Variants in PEAK1 observed in about 807,000 individuals in gnomAD.
The protein encoded by PEAK1 is pseudopodium enriched atypical kinase 1.
Under a neutral mutation model 124.7 loss-of-function variants are expected in PEAK1, and 54 were observed. That is an observed-to-expected ratio of 0.43 (90% CI 0.35 to 0.54). The LOEUF (loss-of-function observed/expected upper bound fraction) is 0.54. Among genes scored for constraint, PEAK1 ranks in the 20% least tolerant of loss-of-function variants. PEAK1 has a pLI of 0.01. For missense variants in PEAK1, 2,046 were observed against 2,134.5 expected, an observed-to-expected ratio of 0.96 and a Z score of 0.82; for synonymous variants, 719 against 760.0, an observed-to-expected ratio of 0.95 and a Z score of 0.89.
rs2051153905 is a variant in PEAK1 at position 77,114,260 on chromosome 15, T to C, written c.5137A>G (p.Arg1713Gly). Residue 1713 changes from arginine to glycine, a missense_variant, in exon 10 of 10, where the codon AGG becomes GGG. Arg to Gly is a moderately radical substitution (Grantham distance 125, BLOSUM62 -2). Transcript: ENST00000682557. ...MIKFAEKSLD[R>G]EGGISLEDWL... ...TCCTCAAGGCTGATTCCACCTTCCCTGTCCAGGGACTTCTCAGCAAACTTG... is the reference window on the plus strand; with the variant it reads ...TCCTCAAGGCTGATTCCACCTTCCCCGTCCAGGGACTTCTCAGCAAACTTG... The C allele has an allele frequency of 2.5e-6, 4 of 1,614,138 alleles. No homozygotes were observed. The highest frequency in any genetic ancestry group is 1.1e-5 in the South Asian group (1 of 91,092).
At chr15:77,192,976 G>C (rs889892551) in intron 6 of PEAK1, among the ~76,000 whole-genome samples, 4 of 152,140 alleles carry the variant, frequency 2.6e-5, no homozygotes, top group African/African-American at 9.7e-5. Flanking sequence ...TATACGCACA[G>C]ACACACAGAC....
At chr15:77,346,388 G>A (rs981096467) in intron 2 of PEAK1, 1 of 984,542 alleles carries the variant, frequency 1.0e-6, no homozygotes, top group South Asian at 4.7e-5. Flanking sequence ...ACAGAAAAAT[G>A]TTTATGAGAA....
At chr15:77,365,967 TTAAA>T (rs1240605104) in intron 1 of PEAK1, among the ~76,000 whole-genome samples, 2 of 151,938 alleles carry the variant, frequency 1.3e-5, no homozygotes, top group East Asian at 3.9e-4. Flanking sequence ...AATAAGTAAA[TTAAA>T]TAAAACCAAT....
intron 2 of PEAK1, among the ~76,000 whole-genome samples, chr15:77,324,298 G>A (rs1001636440): frequency 2.0e-5 from 3 of 152,116 alleles, no homozygotes; most frequent in South Asian, 2.1e-4. Flanking sequence ...GGCCCACATG[G>A]TGAAACCCCC....
At chr15:77,302,521 T>C (rs1253115825) in intron 2 of PEAK1, among the ~76,000 whole-genome samples, 4 of 152,172 alleles carry the variant, frequency 2.6e-5, no homozygotes, top group Non-Finnish European at 4.4e-5. Flanking sequence ...ATTTCAACAT[T>C]ATTAATCCAT....
chr15:77,347,273 C>T (rs2066925909), intron 2 of PEAK1: 1 of 984,484 alleles, frequency 1.0e-6, no homozygotes, highest in East Asian at 1.1e-4. Context: ...GACCCACGAA[C>T]TATTCATGGA....
At chr15:77,417,770 T>G in intron 1 of PEAK1, 1 of 985,396 alleles carries the variant, frequency 1.0e-6, no homozygotes, top group Non-Finnish European at 1.2e-6. Flanking sequence ...AAGCAAATGC[T>G]AATCTCATGA....
In PEAK1 at chr15:77,179,494, C is replaced by T. The variant is rs749268448; in HGVS notation, c.2433G>A (p.Lys811=). 6.2e-6 allele frequency: 10 copies of T among 1,613,874 alleles called. No homozygotes were observed. The highest frequency in any genetic ancestry group is 8.5e-6 in the Non-Finnish European group (10 of 1,180,010). ...PDADVAKSTP[K]STPVRPKSLF... is the part of the protein sequence containing the mutation. ...GAGATTTGGGCCGGACTGGCGTACT[C>T]TTAGGTGTGCTCTTAGCAACATCAG... Residue 811 remains lysine, a synonymous_variant, in exon 7 of 10, where the codon AAG becomes AAA. Coordinates refer to ENST00000682557, the MANE Select transcript of PEAK1 (RefSeq NM_001385026.1).
At chr15:77,393,416 G>A (rs375521332) in intron 1 of PEAK1, among the ~76,000 whole-genome samples, 8 of 152,156 alleles carry the variant, frequency 5.3e-5, no homozygotes, top group African/African-American at 1.7e-4. Flanking sequence ...GAGTAAAGAG[G>A]ACTTTGTCTT....
chr15:77,135,293 T>C (rs2053220434), intron 8 of PEAK1, among the ~76,000 whole-genome samples: 1 of 152,200 alleles, frequency 6.6e-6, no homozygotes, highest in Non-Finnish European at 1.5e-5. Context: ...GTTTGTTTTG[T>C]TAAAATCACG....
rs534332533 is a variant in PEAK1 at position 77,166,832 on chromosome 15, T to C, written c.3138-8136A>G. ...AGTAACTTATCCAAGATGACACTAA[T>C]GTGACAAAAGCAGGATTCAAACCCA... On this transcript the variant is annotated intron_variant, in intron 7 of 9. Coordinates refer to ENST00000682557, the MANE Select transcript of PEAK1 (RefSeq NM_001385026.1). 3.4e-4 allele frequency among the ~76,000 whole-genome samples: 52 copies of C among 151,794 alleles called. 1 individual carries two copies. The highest frequency in any genetic ancestry group is 1.1e-3 in the African/African-American group (44 of 41,372).
chr15:77,164,270 T>C (rs2055910068), intron 7 of PEAK1, among the ~76,000 whole-genome samples: 1 of 152,248 alleles, frequency 6.6e-6, no homozygotes, highest in African/African-American at 2.4e-5. Context: ...TTCTGTAGTC[T>C]TTAACTGAAA....
rs114223099 is a variant in PEAK1, at chr15:77,341,646, C to T, written c.-603+23517G>A. Among the ~76,000 whole-genome samples, 961 of 152,276 alleles carry T rather than the reference C, an allele frequency of 6.3e-3. 13 individuals are homozygous for T. The highest frequency in any genetic ancestry group is 0.022 in the African/African-American group (911 of 41,574). On this transcript the variant is annotated intron_variant, in intron 2 of 9. Transcript: ENST00000682557. The stretch of plus-strand genomic sequence containing the variant: ...CACCAGGTCAGGCTGGCCTAAAGTC[C>T]CAACCTTCTAATCACATGGTTGTTC...
chr15:77,419,689 T>C, intron 1 of PEAK1: 1 of 984,010 alleles, frequency 1.0e-6, no homozygotes, highest in Non-Finnish European at 1.2e-6. Context: ...TCGCGGCAGG[T>C]CCCAACTTTC....
intron 6 of PEAK1, among the ~76,000 whole-genome samples, chr15:77,244,262 TTATC>T (rs796360364): frequency 2.6e-4 from 39 of 152,326 alleles, no homozygotes; most frequent in African/African-American, 8.7e-4. Context: ...TTGTTTCACT[TTATC>T]TATTATTTGA....
At chr15:77,270,237 C>T (rs575516428) in intron 5 of PEAK1, among the ~76,000 whole-genome samples, 1 of 152,242 alleles carries the variant, frequency 6.6e-6, no homozygotes, top group South Asian at 2.1e-4. Flanking sequence ...GATGCCCTCT[C>T]TCACCACTCC....
rs1451365531 is a variant in PEAK1, at chr15:77,133,443, CTCAATGTCCAG to C, written c.3628_3638del (p.Leu1210ValfsTer3). 6.2e-7 allele frequency: 1 copy of C among 1,614,102 alleles called. No individual in the cohort carries two copies. Among genetic ancestry groups the C allele is most frequent in the African/African-American group, 1.3e-5 (1 of 74,934 alleles). On this transcript the variant is annotated frameshift_variant, in exon 9 of 10. Transcript: ENST00000682557. LOFTEE classifies it high-confidence loss of function. The surrounding 1 kb of genome is among the most constrained non-coding windows in gnomAD (Gnocchi z 4.2). ...AAGGCCTTTCCAAGGAGTCATAAGA[CTCAATGTCCAG>C]TCCTTTGAGTTCATAGCTGATGGAA...
chr15:77,174,452 T>C (rs1309061712), intron 7 of PEAK1, among the ~76,000 whole-genome samples: 1 of 152,224 alleles, frequency 6.6e-6, no homozygotes, highest in Non-Finnish European at 1.5e-5. Flanking sequence ...TTGATGGTAA[T>C]GTTTTCCTTA....
At chr15:77,238,518 G>C (rs1349422130) in intron 6 of PEAK1, among the ~76,000 whole-genome samples, 4 of 152,082 alleles carry the variant, frequency 2.6e-5, no homozygotes, top group African/African-American at 9.7e-5. Flanking sequence ...TTGGGCATTA[G>C]TTCTTCCATT....
Sources: allele counts gnomAD v4.1 joint callset (sites outside exome capture counted in the v4.1 genomes callset), GRCh38; gene constraint gnomAD v4.1.1; non-coding constraint Gnocchi (gnomAD v3.1); transcripts MANE v1.5; gene names NCBI Gene and HGNC (gene_info 2026-07-23, HGNC 2026-07-21).